NEBL: variants seen among roughly 807,000 people sequenced by gnomAD.
The protein encoded by NEBL is LIM and SH3 protein 2.
A neutral mutation model predicts 140.2 loss-of-function variants in NEBL; 122 were observed. The ratio of observed to expected loss-of-function variants is 0.87; its 90% CI spans 0.75 to 1.01. NEBL has a LOEUF of 1.01. Ranked by LOEUF, NEBL falls within the 50% of genes least tolerant of loss-of-function variation. The probability of loss-of-function intolerance (pLI) is 0.00; values close to 1 mark genes in which losing one functional copy is unlikely to be tolerated. For synonymous variants in NEBL, 436 were observed against 398.9 expected (o/e 1.09, Z -1.11); for missense variants, 1,365 against 1,231.3 (o/e 1.11, Z -1.62).
At chr10:21,002,859 G>A (rs2131719533) in intron 3 of NEBL, among the ~76,000 whole-genome samples, 1 of 152,168 alleles carries the variant, frequency 6.6e-6, no homozygotes, top group Non-Finnish European at 1.5e-5. Context: ...AGAGATTTGG[G>A]TAGGGATACA....
intron 4 of NEBL, among the ~76,000 whole-genome samples, chr10:20,929,699 T>G (rs184055589): frequency 2.9e-4 from 43 of 148,736 alleles, no homozygotes; most frequent in East Asian, 1.8e-3. Flanking sequence ...CTAAATAATG[T>G]GTACACGTGG....
intron 2 of NEBL, among the ~76,000 whole-genome samples, chr10:21,103,478 T>G (rs6482160): frequency 0.37 from 56,944 of 151,898 alleles, 11,889 homozygotes; most frequent in African/African-American, 0.56. Context: ...CTCCCAAAGT[T>G]CTGGGATTAC....
intron 2 of NEBL, among the ~76,000 whole-genome samples, chr10:21,034,316 T>C (rs1833929573): frequency 6.6e-6 from 1 of 151,610 alleles, no homozygotes; most frequent in Non-Finnish European, 1.5e-5. Context: ...AACTAATAAT[T>C]AACAATAAAA....
At chr10:20,916,480 C>A (rs938039932) in intron 4 of NEBL, among the ~76,000 whole-genome samples, 1 of 152,188 alleles carries the variant, frequency 6.6e-6, no homozygotes, top group African/African-American at 2.4e-5. Flanking sequence ...GATCTTGGCT[C>A]ACCACAACCT....
chr10:20,835,491 C>T, intron 14 of NEBL, 22 bp downstream of exon 14: 3 of 1,541,130 alleles, frequency 1.9e-6, no homozygotes, highest in Non-Finnish European at 1.8e-6. Context: ...GTCTTAAGGC[C>T]TGCATCACGC....
intron 1 of NEBL, among the ~76,000 whole-genome samples, chr10:21,263,414 G>A (rs1005882800): frequency 2.0e-5 from 3 of 152,156 alleles, no homozygotes; most frequent in African/African-American, 7.2e-5. Flanking sequence ...GGGGGGTTGA[G>A]ATCAAGAGGT....
intron 4 of NEBL, among the ~76,000 whole-genome samples, chr10:20,953,139 T>C (rs964964142): frequency 1.1e-4 from 17 of 152,136 alleles, no homozygotes; most frequent in African/African-American, 4.1e-4. Flanking sequence ...AAAATTCATA[T>C]GTTGAAGCCC....
chr10:21,189,367 A>C (rs1207740193), intron 3 of NEBL, among the ~76,000 whole-genome samples: 2 of 152,116 alleles, frequency 1.3e-5, no homozygotes, highest in Non-Finnish European at 2.9e-5. Flanking sequence ...AAAGCAAAGA[A>C]TGGGTTCTCC....
Position 20,850,433 on chromosome 10 carries a change from A to G in NEBL, c.1078T>C (p.Tyr360His). The G allele has an allele frequency of 1.2e-6, 2 of 1,611,896 alleles. No homozygotes were observed. The highest frequency in any genetic ancestry group is 1.7e-6 in the Non-Finnish European group (2 of 1,178,000). The change falls in exon 11 of 28, where the codon TAT becomes CAT. Residue 360 changes from tyrosine to histidine, a missense_variant. Around this residue, in one of 2 missense-constraint regions of NEBL, gnomAD observed 1,323 missense variants for 1,154.8 expected, o/e 1.15. Coordinates refer to ENST00000377122, the MANE Select transcript of NEBL (RefSeq NM_006393.3). Reference sequence around the variant, plus strand: ...TTTTGAGCCTCCTTTGAAGCTTGATATGATGGTGTCTCAACAAATTCAAGC... The same window carrying G: ...TTTTGAGCCTCCTTTGAAGCTTGATGTGATGGTGTCTCAACAAATTCAAGC... ...PMLEFVETPS[Y>H]QASKEAQKMQ...
rs910227935 is a variant in NEBL, at chr10:20,784,847, A to G, written c.*900T>C. The G allele has an allele frequency of 2.6e-5, 4 of 152,318 alleles. No homozygotes were observed. The highest frequency in any genetic ancestry group is 9.6e-5 in the African/African-American group (4 of 41,456). 9.4% of individuals were successfully genotyped at this position (152,318 alleles called of 1,614,324 possible). A position where few individuals can be genotyped will look rare whatever the true frequency, so the allele number is the denominator to read the frequency against. ...CAGGAAAATCTCAAGCATCTTTTCA[A>G]AGTATGTTTTTCTGATGAGCTGGCG... On this transcript the variant is annotated 3_prime_UTR_variant, in exon 28 of 28. Transcript: ENST00000377122.
intron 4 of NEBL, among the ~76,000 whole-genome samples, chr10:20,943,640 T>C (rs1835011604): frequency 6.6e-6 from 1 of 152,196 alleles, no homozygotes. Flanking sequence ...ATAATCCATA[T>C]AGCATAGGAA....
chr10:20,880,059 A>G (rs1845872785), intron 5 of NEBL, among the ~76,000 whole-genome samples: 1 of 152,190 alleles, frequency 6.6e-6, no homozygotes, highest in African/African-American at 2.4e-5. Context: ...CTGTTCTTAC[A>G]AACATCCTAA....
chr10:21,106,389 C>G (rs930777319), intron 2 of NEBL, among the ~76,000 whole-genome samples: 1 of 152,116 alleles, frequency 6.6e-6, no homozygotes, highest in Non-Finnish European at 1.5e-5. Flanking sequence ...GATCCAGTTT[C>G]AGCTTTCTAC....
At chr10:21,111,368 G>A (rs1838005372) in intron 2 of NEBL, among the ~76,000 whole-genome samples, 1 of 152,044 alleles carries the variant, frequency 6.6e-6, no homozygotes, top group Non-Finnish European at 1.5e-5. Flanking sequence ...AGTAAAAACA[G>A]GCTGGTACTG....
chr10:20,936,251 G>A (rs1834477438), intron 4 of NEBL, among the ~76,000 whole-genome samples: 1 of 152,016 alleles, frequency 6.6e-6, no homozygotes, highest in African/African-American at 2.4e-5. Context: ...CCATTTTACA[G>A]ATGTGGAAAC....
rs1239031805 is a variant in NEBL at position 21,263,739 on chromosome 10, C to T, written n.183-11911G>A. On this transcript the variant is annotated intron_variant and non_coding_transcript_variant, in intron 1 of 8. Coordinates refer to the NEBL transcript ENST00000675702. ...CAGTACTTTGAGAGGCCGAGGCAGG[C>T]GGATCACCTGAGGTCAGGAGTTCAA... 5.3e-5 allele frequency among the ~76,000 whole-genome samples: 8 copies of T among 152,212 alleles called. No individual in the cohort carries two copies. In the South Asian group the frequency reaches 1.2e-3, roughly 24 times the overall value.
At chr10:21,187,813 C>T (rs1227101977) in intron 3 of NEBL, among the ~76,000 whole-genome samples, 1 of 152,156 alleles carries the variant, frequency 6.6e-6, no homozygotes, top group Non-Finnish European at 1.5e-5. Flanking sequence ...AGCACCTGGC[C>T]ACACCTTGTT....
intron 1 of NEBL, among the ~76,000 whole-genome samples, chr10:21,291,809 G>A (rs1252575423): frequency 6.6e-6 from 1 of 151,978 alleles, no homozygotes; most frequent in Non-Finnish European, 1.5e-5. Context: ...CAGAGGCTGA[G>A]TCAGGAGAAT....
chr10:20,819,802 G>A (rs971198635), intron 19 of NEBL, among the ~76,000 whole-genome samples: 7 of 152,080 alleles, frequency 4.6e-5, no homozygotes, highest in Non-Finnish European at 8.8e-5. Context: ...ACAGCTCACT[G>A]CAGCCTCAAC....
Sources: allele counts gnomAD v4.1 joint callset (sites outside exome capture counted in the v4.1 genomes callset), GRCh38; gene constraint gnomAD v4.1.1; regional missense constraint gnomAD v4.1.1; transcripts MANE v1.5; gene names NCBI Gene and HGNC (gene_info 2026-07-23, HGNC 2026-07-21).